NDUFS4: variants seen among roughly 807,000 people sequenced by gnomAD.
The protein encoded by NDUFS4 is NADH dehydrogenase [ubiquinone] iron-sulfur protein 4, mitochondrial.
In NDUFS4, 28 loss-of-function variants were observed where a neutral mutation model predicts 24.3. That is an observed-to-expected ratio of 1.15 (90% CI 0.85 to 1.58). The LOEUF is 1.58. NDUFS4 is among the 40% of genes most tolerant of loss of function. The probability of loss-of-function intolerance (pLI) is 0.00; values close to 1 mark genes in which losing one functional copy is unlikely to be tolerated. For missense variants in NDUFS4, 223 were observed against 207.9 expected, an observed-to-expected ratio of 1.07 and a Z score of -0.45; for synonymous variants, 93 against 69.7, an observed-to-expected ratio of 1.34 and a Z score of -1.67.
chr5:53,669,881 C>T (rs1367747214), intron 4 of NDUFS4, among the ~76,000 whole-genome samples: 1 of 151,754 alleles, frequency 6.6e-6, no homozygotes, highest in Admixed American at 6.6e-5. Flanking sequence ...CTTTAAATCA[C>T]CTTAATTTGG....
At chr5:53,619,985 C>A (rs1372423751) in intron 2 of NDUFS4, among the ~76,000 whole-genome samples, 2 of 152,026 alleles carry the variant, frequency 1.3e-5, no homozygotes, top group South Asian at 4.1e-4. Context: ...AGTATCAATT[C>A]TTTGAAGTGG....
At chr5:53,590,951 AG>A (rs1055621654) in intron 1 of NDUFS4, among the ~76,000 whole-genome samples, 2 of 152,110 alleles carry the variant, frequency 1.3e-5, no homozygotes, top group Non-Finnish European at 2.9e-5. Flanking sequence ...CTCTCTCATA[AG>A]CCCCTGGCAA....
intron 2 of NDUFS4, among the ~76,000 whole-genome samples, chr5:53,614,794 C>A (rs1750795543): frequency 6.6e-6 from 1 of 151,836 alleles, no homozygotes. Flanking sequence ...CACTTGCTTT[C>A]AAGAATTTAA....
chr5:53,566,035 C>T (rs923463709), intron 1 of NDUFS4, among the ~76,000 whole-genome samples: 9 of 151,958 alleles, frequency 5.9e-5, no homozygotes, highest in Admixed American at 4.6e-4. Flanking sequence ...TAGCCGGGTG[C>T]GGTGGCGGGT....
chr5:53,579,290 A>G (rs1749480496), intron 1 of NDUFS4, among the ~76,000 whole-genome samples: 1 of 152,234 alleles, frequency 6.6e-6, no homozygotes, highest in Non-Finnish European at 1.5e-5. Context: ...AATATTTTAT[A>G]TACACATGAA....
chr5:53,602,951 G>T, intron 1 of NDUFS4, among the ~76,000 whole-genome samples: 1 of 152,110 alleles, frequency 6.6e-6, no homozygotes, highest in East Asian at 1.9e-4. Context: ...TTGTGAATGG[G>T]CTACAGGACT....
intron 1 of NDUFS4, among the ~76,000 whole-genome samples, chr5:53,580,368 G>A (rs939401576): frequency 4.6e-5 from 7 of 152,174 alleles, no homozygotes; most frequent in East Asian, 1.9e-4. Context: ...AGTGCTAGAC[G>A]ACTGGCTTAT....
chr5:53,589,419 CAGACT>C (rs1749871679), intron 1 of NDUFS4, among the ~76,000 whole-genome samples: 1 of 152,188 alleles, frequency 6.6e-6, no homozygotes, highest in African/African-American at 2.4e-5. Context: ...CTTGGGAACT[CAGACT>C]AACTACTGTT....
chr5:53,563,153 C>G (rs772031382), intron 1 of NDUFS4, among the ~76,000 whole-genome samples: 1 of 149,164 alleles, frequency 6.7e-6, no homozygotes, highest in African/African-American at 2.5e-5. Context: ...GGCGTGAACC[C>G]GGGAGGCAGA....
intron 1 of NDUFS4, among the ~76,000 whole-genome samples, chr5:53,572,957 G>GTTTTTTTTTTTTT (rs796960315): frequency 9.7e-6 from 1 of 103,330 alleles, no homozygotes; most frequent in African/African-American, 3.6e-5. Context: ...GTTGTTTTTT[G>GTTTTTTTTTTTTT]TTTTTTTTTT....
At chr5:53,667,468 G>A (rs1340692547) in intron 4 of NDUFS4, among the ~76,000 whole-genome samples, 1 of 133,362 alleles carries the variant, frequency 7.5e-6, no homozygotes, top group Non-Finnish European at 1.6e-5. Flanking sequence ...TGGGCAATAA[G>A]AGCAAAAACT....
intron 4 of NDUFS4, among the ~76,000 whole-genome samples, chr5:53,672,470 T>G (rs1561400552): frequency 6.6e-6 from 1 of 152,070 alleles, no homozygotes. Flanking sequence ...GGACAGAAAT[T>G]ACATGTGTAT....
At chr5:53,584,097 T>A (rs1405798794) in intron 1 of NDUFS4, among the ~76,000 whole-genome samples, 1 of 152,228 alleles carries the variant, frequency 6.6e-6, no homozygotes, top group Non-Finnish European at 1.5e-5. Context: ...CAGTTATTTC[T>A]CCATGCATAG....
In NDUFS4 at chr5:53,650,026, A is replaced by G. The variant is rs941432646; in HGVS notation, c.350+3621A>G. On this transcript the variant is annotated intron_variant, in intron 3 of 4. Transcript: ENST00000296684. Reference sequence around the variant, plus strand: ...TATATAGAGTCATTTTGTAAACCACATGCTTCTAGAAGCTGAAGGAATTTA... The same window carrying G: ...TATATAGAGTCATTTTGTAAACCACGTGCTTCTAGAAGCTGAAGGAATTTA... Among the ~76,000 whole-genome samples the G allele has an allele frequency of 2.6e-5, 4 of 152,180 alleles. No individual in the cohort carries two copies. In the East Asian group the frequency reaches 7.7e-4, roughly 29 times the overall value.
At chr5:53,594,127 A>G (rs1750059612) in intron 1 of NDUFS4, among the ~76,000 whole-genome samples, 1 of 152,180 alleles carries the variant, frequency 6.6e-6, no homozygotes, top group South Asian at 2.1e-4. Context: ...TCTGTCAATT[A>G]CTATTCGAAG....
At position 53,658,555 on chromosome 5, in the gene NDUFS4, G is replaced by C. The variant is rs747359752; in HGVS notation, c.355G>C (p.Asp119His). ...AAAAAAATTTGTTTCTTACAGGGCT[G>C]ATCCCTTATCCAACATGGTTCTAAC... ...NPLMGWASTA[D>H]PLSNMVLTFS... Residue 119 changes from aspartate to histidine, a missense_variant, in exon 4 of 5, where the codon GAT becomes CAT. Asp to His is a moderately conservative substitution (Grantham distance 81). Transcript: ENST00000296684. The C allele has an allele frequency of 1.9e-6, 3 of 1,613,044 alleles. No homozygotes were observed. Among genetic ancestry groups the C allele is most frequent in the South Asian group, 1.1e-5 (1 of 91,058 alleles).
intron 4 of NDUFS4, among the ~76,000 whole-genome samples, chr5:53,660,267 G>C (rs1056013679): frequency 6.6e-6 from 1 of 150,500 alleles, no homozygotes; most frequent in Non-Finnish European, 1.5e-5. Flanking sequence ...TTTTGTCCTT[G>C]CGATAGTTTG....
At chr5:53,638,034 A>G (rs1408294690) in intron 2 of NDUFS4, among the ~76,000 whole-genome samples, 1 of 152,162 alleles carries the variant, frequency 6.6e-6, no homozygotes, top group African/African-American at 2.4e-5. Context: ...TGCAGTTGGC[A>G]AGGAAGTTCG....
intron 1 of NDUFS4, among the ~76,000 whole-genome samples, chr5:53,598,350 AAAG>A (rs940514160): frequency 6.6e-6 from 1 of 152,248 alleles, no homozygotes; most frequent in Non-Finnish European, 1.5e-5. Context: ...ATGAAGAAAG[AAAG>A]AAAATGTGTA....
Sources: gnomAD v4.1 joint callset for allele counts (sites outside exome capture counted in the v4.1 genomes callset) on GRCh38, gnomAD v4.1.1 for gene constraint, MANE v1.5 for transcripts, NCBI Gene and HGNC (gene_info 2026-07-23, HGNC 2026-07-21) for gene names.